Variants in NRXN3 observed in about 807,000 individuals in gnomAD.
NRXN3 encodes the protein neurexin III.
A neutral mutation model predicts 137.6 loss-of-function variants in NRXN3; 32 were observed. That is an observed-to-expected ratio of 0.23 (90% CI 0.18 to 0.31). The LOEUF is 0.31. NRXN3 is among the 10% of genes least tolerant of loss of function. The pLI, the probability that NRXN3 is intolerant of heterozygous loss-of-function variation, is 1.00. For synonymous variants in NRXN3, 798 were observed against 784.5 expected, an observed-to-expected ratio of 1.02 and a Z score of -0.29; for missense variants, 1,574 against 2,062.5, an observed-to-expected ratio of 0.76 and a Z score of 4.59.
chr14:79,612,920 C>T (rs73327929), intron 16 of NRXN3, among the ~76,000 whole-genome samples: 4,667 of 152,226 alleles, frequency 0.031, 223 homozygotes, highest in African/African-American at 0.11. Flanking sequence ...TGAAATAACA[C>T]TGCCTTAGTT....
In NRXN3 at chr14:79,826,883, C is replaced by T. The variant is rs558998379; in HGVS notation, c.4093+21693C>T. Reference sequence around the variant, plus strand: ...CCTGCCAGGTGTGTTGGTGTAGAAGCGGGAAGATAGAGCCTGTGCTTCAGC... The same window carrying T: ...CCTGCCAGGTGTGTTGGTGTAGAAGTGGGAAGATAGAGCCTGTGCTTCAGC... On this transcript the variant is annotated intron_variant, in intron 20 of 20. Coordinates refer to ENST00000335750, the MANE Select transcript of NRXN3 (RefSeq NM_001330195.2). Among the ~76,000 whole-genome samples the T allele has an allele frequency of 1.3e-4, 19 of 151,766 alleles. No individual in the cohort carries two copies. In the East Asian group the frequency reaches 2.5e-3, roughly 20 times the overall value.
chr14:79,860,727 A>G (rs986470443), intron 20 of NRXN3, among the ~76,000 whole-genome samples: 1 of 152,260 alleles, frequency 6.6e-6, no homozygotes, highest in African/African-American at 2.4e-5. Context: ...GCCAGTATTT[A>G]TAACAGTATC....
chr14:79,320,036 T>C (rs2089687481), intron 15 of NRXN3, among the ~76,000 whole-genome samples: 2 of 152,154 alleles, frequency 1.3e-5, no homozygotes. Context: ...TGGATAATAA[T>C]ATAAAATTAC....
At chr14:79,721,452 A>G (rs976431343) in intron 19 of NRXN3, among the ~76,000 whole-genome samples, 2 of 152,186 alleles carry the variant, frequency 1.3e-5, no homozygotes, top group African/African-American at 4.8e-5. Flanking sequence ...TTGAAAACAC[A>G]TTGTGAATAA....
chr14:78,443,650 C>G (rs999669432), intron 4 of NRXN3, among the ~76,000 whole-genome samples: 1 of 152,174 alleles, frequency 6.6e-6, no homozygotes, highest in African/African-American at 2.4e-5. Flanking sequence ...ATATTCAACT[C>G]TGCTACTTAA....
intron 2 of NRXN3, among the ~76,000 whole-genome samples, chr14:78,255,542 T>C (rs959538385): frequency 2.0e-5 from 3 of 152,268 alleles, no homozygotes; most frequent in Admixed American, 6.5e-5. Flanking sequence ...AATGTGTCTC[T>C]TGGCTCCCTT....
intron 8 of NRXN3, among the ~76,000 whole-genome samples, chr14:78,737,254 C>G (rs768777519): frequency 6.6e-6 from 1 of 152,162 alleles, no homozygotes; most frequent in Non-Finnish European, 1.5e-5. Context: ...CGGGCTGTGC[C>G]CATCTGCTGG....
chr14:78,954,273 C>T (rs2099392450), intron 10 of NRXN3, among the ~76,000 whole-genome samples: 1 of 152,162 alleles, frequency 6.6e-6, no homozygotes, highest in Non-Finnish European at 1.5e-5. Flanking sequence ...CTCTCCACTT[C>T]TGGAGGCCAA....
chr14:78,200,813 C>T (rs2061608089), intron 1 of NRXN3, among the ~76,000 whole-genome samples: 1 of 152,194 alleles, frequency 6.6e-6, no homozygotes, highest in Non-Finnish European at 1.5e-5. Context: ...TGCAAAGAAC[C>T]TTCCCCAGAC....
At chr14:79,314,124 G>T (rs9671355) in intron 15 of NRXN3, 1 of 152,438 alleles carries the variant, frequency 6.6e-6, no homozygotes, top group Non-Finnish European at 1.5e-5. Flanking sequence ...CGCAGAAGAC[G>T]GGTGATTTCT....
intron 18 of NRXN3, among the ~76,000 whole-genome samples, chr14:79,696,242 A>C (rs1034420721): frequency 6.6e-6 from 1 of 151,980 alleles, no homozygotes; most frequent in African/African-American, 2.4e-5. Context: ...AAACGTGACA[A>C]TATCCCTCTA....
chr14:78,714,737 A>G lies in NRXN3; in HGVS notation c.1661-19A>G, dbSNP rs763726516. 1.2e-5 allele frequency: 19 copies of G among 1,606,178 alleles called. No homozygotes were observed. In the Admixed American group the frequency reaches 1.3e-4, roughly 11 times the overall value. ...TAAGCAACTGGCAGACTCACCTGAG[A>G]TCTGTCTTCCCACCCCAGGTACTAT... On this transcript the variant is annotated intron_variant, in intron 7 of 20. Coordinates refer to ENST00000335750, the MANE Select transcript of NRXN3 (RefSeq NM_001330195.2).
intron 8 of NRXN3, among the ~76,000 whole-genome samples, chr14:78,764,711 C>T (rs1282365796): frequency 6.6e-6 from 1 of 152,102 alleles, no homozygotes; most frequent in African/African-American, 2.4e-5. Context: ...AGGGGAAATG[C>T]GTGGTCATTT....
At chr14:79,432,082 C>T (rs577721083) in intron 15 of NRXN3, among the ~76,000 whole-genome samples, 1 of 151,044 alleles carries the variant, frequency 6.6e-6, no homozygotes, top group East Asian at 2.0e-4. Flanking sequence ...TAATTATTCC[C>T]TGAGAAATGG....
At chr14:79,131,872 A>G (rs956547613) in intron 15 of NRXN3, among the ~76,000 whole-genome samples, 2 of 152,214 alleles carry the variant, frequency 1.3e-5, no homozygotes, top group East Asian at 3.9e-4. Flanking sequence ...GTGGGATATA[A>G]TCTCCTGGTG....
chr14:78,552,438 C>T (rs959139324), intron 4 of NRXN3, among the ~76,000 whole-genome samples: 2 of 152,160 alleles, frequency 1.3e-5, no homozygotes, highest in Admixed American at 1.3e-4. Context: ...CATGCTCAGG[C>T]CCAGGCCCAG....
chr14:79,758,094 G>A (rs2099025931), intron 19 of NRXN3, among the ~76,000 whole-genome samples: 2 of 152,058 alleles, frequency 1.3e-5, no homozygotes, highest in South Asian at 4.2e-4. Flanking sequence ...AAGTCCTGTG[G>A]AACAAAATAG....
chr14:78,407,798 A>G (rs528774503), intron 4 of NRXN3, among the ~76,000 whole-genome samples: 11 of 152,268 alleles, frequency 7.2e-5, no homozygotes, highest in African/African-American at 2.2e-4. Context: ...TATTGATTTT[A>G]TATCCAAATT....
intron 15 of NRXN3, among the ~76,000 whole-genome samples, chr14:79,179,409 A>G (rs9806115): frequency 0.077 from 11,647 of 152,208 alleles, 1,460 homozygotes; most frequent in African/African-American, 0.26. Flanking sequence ...TTGGAAAGAT[A>G]TTATCATTTT....
Sources: allele counts gnomAD v4.1 joint callset (sites outside exome capture counted in the v4.1 genomes callset), GRCh38; gene constraint gnomAD v4.1.1; transcripts MANE v1.5; gene names NCBI Gene and HGNC (gene_info 2026-07-23, HGNC 2026-07-21).